The following MYO5C variants were observed in gnomAD, a reference collection of about 807,000 sequenced individuals.
The protein encoded by MYO5C is unconventional myosin-Vc.
In MYO5C, 194 loss-of-function variants were observed where a neutral mutation model predicts 235.7. The observed-to-expected ratio is 0.82, with a 90% CI of 0.73 to 0.93. The LOEUF is 0.93. MYO5C is among the 40% of genes least tolerant of loss of function. MYO5C has a pLI of 0.00. For synonymous variants in MYO5C, 707 were observed against 754.8 expected (o/e 0.94, Z 1.04); for missense variants, 2,038 against 2,127.2 (o/e 0.96, Z 0.82).
At chr15:52,211,672 G>A (rs563497998) in intron 35 of MYO5C, 58 bp downstream of exon 35, 2 of 1,550,672 alleles carry the variant, frequency 1.3e-6, no homozygotes. Flanking sequence ...CAAAGACTGG[G>A]CATCTGGTCA....
At chr15:52,197,112 A>G (rs567984353) in intron 38 of MYO5C, among the ~76,000 whole-genome samples, 1 of 152,352 alleles carries the variant, frequency 6.6e-6, no homozygotes, top group South Asian at 2.1e-4. Context: ...GACTTACCAT[A>G]TGACACAGCA....
chr15:52,264,477 T>G (rs2036760543), intron 8 of MYO5C, among the ~76,000 whole-genome samples, 181 bp from the exon 9 acceptor site: 1 of 152,180 alleles, frequency 6.6e-6, no homozygotes, highest in Non-Finnish European at 1.5e-5. Context: ...TGTAGACATA[T>G]ACCACATGTG....
intron 1 of MYO5C, among the ~76,000 whole-genome samples, chr15:52,284,176 T>A (rs1030199354): frequency 6.7e-6 from 1 of 149,958 alleles, no homozygotes; most frequent in African/African-American, 2.5e-5. Context: ...TGGCCAAAAA[T>A]TGGAAACAGA....
chr15:52,212,781 A>G (rs2035473786), intron 34 of MYO5C, among the ~76,000 whole-genome samples: 1 of 152,174 alleles, frequency 6.6e-6, no homozygotes, highest in African/African-American at 2.4e-5. Flanking sequence ...ACAGAGCCAC[A>G]ATTGCTTCCA....
chr15:52,252,355 T>C (rs2036489253), intron 12 of MYO5C, among the ~76,000 whole-genome samples: 1 of 152,114 alleles, frequency 6.6e-6, no homozygotes, highest in Admixed American at 6.5e-5. Context: ...GTTTTTCTTA[T>C]TTTACTTCCT....
chr15:52,275,393 GC>G (rs1212208498), intron 5 of MYO5C, among the ~76,000 whole-genome samples, 168 bp downstream of exon 5: 3 of 152,144 alleles, frequency 2.0e-5, no homozygotes, highest in Non-Finnish European at 4.4e-5. Context: ...TAACAATTCT[GC>G]CCCCATCTCC....
chr15:52,217,302 T>C (rs2035578540), intron 32 of MYO5C, among the ~76,000 whole-genome samples: 1 of 152,174 alleles, frequency 6.6e-6, no homozygotes, highest in South Asian at 2.1e-4. Flanking sequence ...AGCCAGACAC[T>C]TGGAGGAGCT....
chr15:52,286,075 C>T (rs1404831090), intron 1 of MYO5C, among the ~76,000 whole-genome samples: 10 of 152,004 alleles, frequency 6.6e-5, no homozygotes, highest in Non-Finnish European at 1.5e-4. Flanking sequence ...AGCGTCTCTG[C>T]CCGGCCGCCC....
intron 39 of MYO5C, 123 bp downstream of exon 39, chr15:52,196,186 G>T (rs142382339): frequency 7.3e-6 from 6 of 821,408 alleles, no homozygotes; most frequent in Middle Eastern, 3.8e-4. Flanking sequence ...ATGGGTGATA[G>T]GTATGCTCCC....
At position 52,269,783 on chromosome 15, in the gene MYO5C, C is replaced by T. The variant is rs1279813464; in HGVS notation, c.910G>A (p.Val304Ile). ...IEGVNDRAEM[V>I]ETQKTFTLLG... ...AGCGTGAAGGTCTTTTGAGTCTCTA[C>T]CATTTCAGCTCGATCATTCACACCC... The change falls in exon 8 of 41, where the codon GTA becomes ATA. Residue 304 changes from valine (V) to isoleucine (I), a missense_variant. Val to Ile is a conservative substitution (Grantham distance 29). Transcript: ENST00000261839. 1.2e-6 allele frequency: 2 copies of T among 1,613,104 alleles called. No homozygotes were observed. Among genetic ancestry groups the T allele is most frequent in the African/African-American group, 2.7e-5 (2 of 74,750 alleles).
intron 25 of MYO5C, among the ~76,000 whole-genome samples, chr15:52,226,404 A>G (rs573655905): frequency 1.3e-5 from 2 of 152,212 alleles, no homozygotes; most frequent in Non-Finnish European, 2.9e-5. Flanking sequence ...TTGAATAAGA[A>G]TCACAGGTCT....
intron 1 of MYO5C, among the ~76,000 whole-genome samples, chr15:52,291,205 C>T (rs933888315): frequency 6.6e-6 from 1 of 152,168 alleles, no homozygotes; most frequent in African/African-American, 2.4e-5. Flanking sequence ...CAGATCAAGG[C>T]TAGAGAATAG....
At chr15:52,245,908 C>G (rs747631941) in intron 17 of MYO5C, 48 bp downstream of exon 17, 1 of 1,538,926 alleles carries the variant, frequency 6.5e-7, no homozygotes, top group East Asian at 2.2e-5. Flanking sequence ...CTCAGCATAG[C>G]TCTGATGTCA....
chr15:52,284,007 C>T (rs1313464664), intron 1 of MYO5C, among the ~76,000 whole-genome samples: 2 of 152,058 alleles, frequency 1.3e-5, no homozygotes, highest in African/African-American at 2.4e-5. Flanking sequence ...ATAAGAGACA[C>T]CTGAGAGTTT....
chr15:52,201,384 TG>T (rs1486495991), intron 38 of MYO5C, among the ~76,000 whole-genome samples: 2 of 152,316 alleles, frequency 1.3e-5, no homozygotes, highest in East Asian at 3.9e-4. Context: ...ATTTTTAAAG[TG>T]GTGAAAGAAA....
At chr15:52,194,949 G>A (rs2035013837) in intron 40 of MYO5C, among the ~76,000 whole-genome samples, 1 of 152,066 alleles carries the variant, frequency 6.6e-6, no homozygotes, top group African/African-American at 2.4e-5. Context: ...AGTGTCTCAA[G>A]GACTCCCAGG....
chr15:52,272,168 C>G (rs4608282), intron 6 of MYO5C, among the ~76,000 whole-genome samples: 13 of 152,132 alleles, frequency 8.5e-5, no homozygotes, highest in Admixed American at 2.0e-4. Flanking sequence ...TGGGCCAAAA[C>G]GATGAGAAAT....
rs748663965 is a variant in MYO5C at position 52,278,953 on chromosome 15, G to A, written c.369C>T (p.His123=). ...CGCCCATGTTCTGCCCGCTGTAGGC[G>A]TGGATGATGGCATCTCCGTATATTG... is the stretch of plus-strand genomic sequence containing the variant. ...QLPIYGDAII[H]AYSGQNMGDM... The change falls in exon 4 of 41, where the codon CAC becomes CAT. Residue 123 remains histidine (H), a synonymous_variant. Transcript: ENST00000261839. 2.9e-5 allele frequency: 47 copies of A among 1,614,002 alleles called. No individual in the cohort carries two copies. The Admixed American group carries it at 4.3e-4, about 15-fold the overall frequency.
At chr15:52,273,246 C>A (rs2036964447) in intron 5 of MYO5C, among the ~76,000 whole-genome samples, 1 of 152,126 alleles carries the variant, frequency 6.6e-6, no homozygotes, top group Admixed American at 6.5e-5. Flanking sequence ...TTGCTGGAGC[C>A]CAGGAGTTGG....
Sources: gnomAD v4.1 joint callset for allele counts (sites outside exome capture counted in the v4.1 genomes callset) on GRCh38, gnomAD v4.1.1 for gene constraint, MANE v1.5 for transcripts, NCBI Gene and HGNC (gene_info 2026-07-23, HGNC 2026-07-21) for gene names.